Variants in C7 observed in about 807,000 individuals in gnomAD.
The protein encoded by C7 is complement C7, also known as complement component C7.
A neutral mutation model predicts 104.8 loss-of-function variants in C7; 83 were observed. The ratio of observed to expected loss-of-function variants is 0.79; its 90% CI spans 0.66 to 0.95. C7 has a LOEUF of 0.95. Among genes scored for constraint, C7 ranks in the 40% least tolerant of loss-of-function variants. C7 has a pLI of 0.00. For synonymous variants in C7, 415 were observed against 360.6 expected (o/e 1.15, Z -1.71); for missense variants, 1,070 against 1,011.2 (o/e 1.06, Z -0.79).
At chr5:40,970,828 A>G (rs953937145) in intron 14 of C7, among the ~76,000 whole-genome samples, 1 of 151,972 alleles carries the variant, frequency 6.6e-6, no homozygotes, top group Non-Finnish European at 1.5e-5. Context: ...CTCATTGTTC[A>G]ACTCCCACTT....
intron 1 of C7, among the ~76,000 whole-genome samples, chr5:40,917,505 A>G (rs986832294): frequency 6.6e-6 from 1 of 151,940 alleles, no homozygotes; most frequent in Non-Finnish European, 1.5e-5. Flanking sequence ...TCTTTACCAC[A>G]TTTTCTTTAT....
chr5:40,946,773 A>G (rs62357063), intron 7 of C7, among the ~76,000 whole-genome samples: 25,003 of 152,024 alleles, frequency 0.16, 2,289 homozygotes, highest in South Asian at 0.22. Context: ...AGTTTATATA[A>G]GAAATTATCA....
intron 13 of C7, among the ~76,000 whole-genome samples, chr5:40,963,844 A>G (rs568516311): frequency 1.3e-5 from 2 of 152,062 alleles, no homozygotes; most frequent in Admixed American, 6.6e-5. Flanking sequence ...TTCCATACAT[A>G]TAGTGTGGAG....
chr5:40,982,548 T>A lies in C7; in HGVS notation c.*975T>A, dbSNP rs1236642471. The A allele has an allele frequency of 6.6e-6, 1 of 152,322 alleles. No individual in the cohort carries two copies. The highest frequency in any genetic ancestry group is 2.4e-5 in the African/African-American group (1 of 41,444). 9.4% of individuals were successfully genotyped at this position (152,322 alleles called of 1,614,324 possible). On this transcript the variant is annotated 3_prime_UTR_variant, in exon 18 of 18. Transcript: ENST00000313164. ...TTGTCTGAGAACAAATACAATTCAG[T>A]CTTCTCTTTGGGGTTTTAGTATGTG...
At chr5:40,922,280 C>A (rs1579839552) in intron 1 of C7, among the ~76,000 whole-genome samples, 1 of 132,858 alleles carries the variant, frequency 7.5e-6, no homozygotes, top group East Asian at 2.4e-4. Context: ...GAGGCTGAGG[C>A]AGAAGAAATG....
Position 40,962,113 on chromosome 5 carries a change from T to C in C7, c.1690T>C (p.Ser564Pro), listed in dbSNP as rs1740434316. The change falls in exon 13 of 18, where the codon TCT (serine) becomes CCT (proline). Residue 564 changes from serine (S) to proline (P), a missense_variant. Ser to Pro is a moderately conservative substitution (Grantham distance 74, BLOSUM62 -1). Transcript: ENST00000313164. Reference protein sequence around the residue: ...RLLEPHCFPLSLVPTEFCPSP... With the variant: ...RLLEPHCFPLPLVPTEFCPSP... The stretch of plus-strand genomic sequence containing the variant: ...GCTTGAACCACATTGCTTTCCTTTG[T>C]CTTTGGTTCCAACAGAATTCTGTCC... 3 of 1,564,612 alleles carry C rather than the reference T, an allele frequency of 1.9e-6. No homozygotes were observed. The highest frequency in any genetic ancestry group is 1.2e-5 in the South Asian group (1 of 82,264).
chr5:40,939,906 C>T (rs1739899373), intron 6 of C7, among the ~76,000 whole-genome samples: 1 of 152,172 alleles, frequency 6.6e-6, no homozygotes, highest in Non-Finnish European at 1.5e-5. Context: ...GAAATGCCTT[C>T]CCCATCACTG....
chr5:40,976,628 A>T, intron 15 of C7, 122 bp from the exon 16 acceptor site: 1 of 571,232 alleles, frequency 1.8e-6, no homozygotes, highest in South Asian at 2.8e-5. Context: ...TACTATTGTT[A>T]CTGTGCAAAT....
intron 16 of C7, among the ~76,000 whole-genome samples, chr5:40,978,244 T>C (rs1190084299): frequency 1.3e-5 from 2 of 152,202 alleles, no homozygotes; most frequent in Non-Finnish European, 2.9e-5. Context: ...AGTGGGTAAT[T>C]GTTATTGTAT....
intron 6 of C7, among the ~76,000 whole-genome samples, chr5:40,940,805 A>G (rs1242837174): frequency 6.6e-6 from 1 of 152,206 alleles, no homozygotes; most frequent in Non-Finnish European, 1.5e-5. Flanking sequence ...TTTACAAATG[A>G]TAAAACAGAG....
chr5:40,911,740 CT>C (rs536500122), intron 1 of C7, among the ~76,000 whole-genome samples: 5,592 of 138,526 alleles, frequency 0.04, 105 homozygotes, highest in Admixed American at 0.062. Flanking sequence ...TTCTTTCTTT[CT>C]TTTTTTTTTT....
rs1031247537 is a variant in C7, at chr5:40,936,348, C to T, written c.291C>T (p.Ile97=). The change falls in exon 5 of 18, where the codon ATC becomes ATT. Residue 97 remains isoleucine, a synonymous_variant. Transcript: ENST00000313164. ...ERFRCFSGQC[I]SKSLVCNGDS... ...TTCTCTGGTGTTCAGGTCAGTGCAT[C>T]AGCAAATCATTGGTTTGCAATGGGG... 1.2e-6 allele frequency: 2 copies of T among 1,613,214 alleles called. No individual in the cohort carries two copies. Among genetic ancestry groups the T allele is most frequent in the Non-Finnish European group, 1.7e-6 (2 of 1,179,384 alleles).
At chr5:40,914,669 T>C (rs935605567) in intron 1 of C7, among the ~76,000 whole-genome samples, 4 of 152,170 alleles carry the variant, frequency 2.6e-5, no homozygotes, top group Non-Finnish European at 5.9e-5. Context: ...GACCTTCACA[T>C]TTTAAAGTGA....
intron 6 of C7, among the ~76,000 whole-genome samples, chr5:40,941,665 G>A (rs927082849): frequency 7.9e-5 from 12 of 152,088 alleles, no homozygotes; most frequent in African/African-American, 2.4e-4. Flanking sequence ...CTTGGTGAGC[G>A]GCTGAATGCG....
intron 6 of C7, among the ~76,000 whole-genome samples, chr5:40,944,929 A>C (rs1490911772): frequency 6.6e-6 from 1 of 152,238 alleles, no homozygotes; most frequent in Non-Finnish European, 1.5e-5. Flanking sequence ...TGCTGACATT[A>C]AAGGAACATG....
intron 5 of C7, 82 bp downstream of exon 5, chr5:40,936,567 C>T (rs16870528): frequency 0.17 from 218,105 of 1,311,126 alleles, 18,504 homozygotes; most frequent in Middle Eastern, 0.19. Flanking sequence ...GGTAAGTCTA[C>T]GAACAAGTCT....
At chr5:40,974,624 TAGTC>T (rs1740775432) in intron 15 of C7, among the ~76,000 whole-genome samples, 2 of 152,104 alleles carry the variant, frequency 1.3e-5, no homozygotes, top group Admixed American at 1.3e-4. Flanking sequence ...TTCACCATGT[TAGTC>T]AGGATGGTCC....
intron 7 of C7, 64 bp from the exon 8 acceptor site, chr5:40,947,538 A>T: frequency 6.4e-7 from 1 of 1,562,414 alleles, no homozygotes; most frequent in East Asian, 2.3e-5. Flanking sequence ...TTGAACAGAG[A>T]ACTATTTCCA....
chr5:40,941,517 GAGTC>G (rs1266899184), intron 6 of C7, among the ~76,000 whole-genome samples: 2 of 152,170 alleles, frequency 1.3e-5, no homozygotes, highest in Non-Finnish European at 2.9e-5. Context: ...TTAAAAAAAA[GAGTC>G]AGAGAGTTTA....
Sources: gnomAD v4.1 joint callset for allele counts (sites outside exome capture counted in the v4.1 genomes callset) on GRCh38, gnomAD v4.1.1 for gene constraint, MANE v1.5 for transcripts, NCBI Gene and HGNC (gene_info 2026-07-23, HGNC 2026-07-21) for gene names.